FAM186A: variants seen among roughly 807,000 people sequenced by gnomAD.
FAM186A encodes protein FAM186A.
Under a neutral mutation model 216.8 loss-of-function variants are expected in FAM186A, and 163 were observed. The observed-to-expected ratio is 0.75, with a 90% confidence interval of 0.66 to 0.86. The LOEUF is 0.86. FAM186A is among the 40% of genes least tolerant of loss of function. The probability of loss-of-function intolerance (pLI) is 0.00; values close to 1 mark genes in which losing one functional copy is unlikely to be tolerated. For synonymous variants in FAM186A, 805 were observed against 1,025.3 expected, an observed-to-expected ratio of 0.79 and a Z score of 4.10; for missense variants, 2,184 against 2,746.2, an observed-to-expected ratio of 0.80 and a Z score of 4.58.
intron 1 of FAM186A, among the ~76,000 whole-genome samples, chr12:50,376,494 A>G (rs1943199533): frequency 6.6e-6 from 1 of 152,060 alleles, no homozygotes; most frequent in African/African-American, 2.4e-5. Context: ...AGTATAGGCC[A>G]CTCAAAGTGG....
Position 50,351,423 on chromosome 12 carries a change from T to A in FAM186A, c.5409A>T (p.Val1803=), listed in dbSNP as rs1391816266. 1.0e-5 allele frequency: 15 copies of A among 1,466,922 alleles called. No homozygotes were observed. In the East Asian group the frequency reaches 3.0e-4, roughly 29 times the overall value. The allele number at this position is 1,466,922 out of a possible 1,614,324, so 90.9% of individuals were successfully genotyped here. A position where few individuals can be genotyped will look rare whatever the true frequency, so the allele number is the denominator to read the frequency against. The change falls in exon 4 of 8, where the codon GTA becomes GTT. Residue 1803 remains valine (V), a synonymous_variant. Coordinates refer to ENST00000327337, the MANE Select transcript of FAM186A (RefSeq NM_001145475.3). ...GCGCAGAAGTGGATTGACCTCCGTATACCAGGGTCTGTCCAGAGGAACGAA... is the reference window on the plus strand; with the variant it reads ...GCGCAGAAGTGGATTGACCTCCGTAAACCAGGGTCTGTCCAGAGGAACGAA... ...QTLRSSGQTL[V]YGGQSTSAQF...
Position 50,355,424 on chromosome 12 carries a change from C to T in FAM186A, c.1408G>A (p.Glu470Lys), listed in dbSNP as rs1942963735. Residue 470 changes from glutamate to lysine, a missense_variant, in exon 4 of 8, where the codon GAG (glutamate) becomes AAG (lysine). By Grantham distance (56) the Glu-to-Lys change is moderately conservative. Around this residue, in one of 7 missense-constraint regions of FAM186A, gnomAD observed 1,132 missense variants for 1,263.4 expected, o/e 0.90. Coordinates refer to ENST00000327337, the MANE Select transcript of FAM186A (RefSeq NM_001145475.3). Reference protein sequence around the residue: ...RSHKKATYVYETSGPNLSDNK... With the variant: ...RSHKKATYVYKTSGPNLSDNK... ...TCACTCAGATTTGGTCCAGAGGTCT[C>T]ATATACATATGTGGCTTTTTTGTGG... 6.4e-7 allele frequency: 1 copy of T among 1,551,370 alleles called. No homozygotes were observed. The highest frequency in any genetic ancestry group is 2.4e-5 in the East Asian group (1 of 40,912).
chr12:50,363,578 A>G (rs1943057935), intron 1 of FAM186A, among the ~76,000 whole-genome samples: 1 of 152,160 alleles, frequency 6.6e-6, no homozygotes, highest in Admixed American at 6.6e-5. Context: ...TATAATGGAA[A>G]GAGCATTGGG....
At chr12:50,382,981 C>T (rs1943266963) in intron 1 of FAM186A, among the ~76,000 whole-genome samples, 1 of 151,504 alleles carries the variant, frequency 6.6e-6, no homozygotes, top group Admixed American at 6.6e-5. Flanking sequence ...GCCTATAATC[C>T]CAGAACTCTG....
intron 1 of FAM186A, chr12:50,365,845 A>G: frequency 1.3e-6 from 1 of 762,310 alleles, no homozygotes; most frequent in East Asian, 2.4e-5. Context: ...CATAAAGGTC[A>G]GCAAATTGGC....
At chr12:50,331,317 G>A (rs188651395) in intron 6 of FAM186A, among the ~76,000 whole-genome samples, 84 of 152,196 alleles carry the variant, frequency 5.5e-4, no homozygotes, top group South Asian at 2.1e-4. Context: ...TCGGCTCACC[G>A]CAACCTCTGC....
Position 50,373,043 on chromosome 12 carries a change from G to GA in FAM186A, c.193-9680dup, listed in dbSNP as rs1261913364. On this transcript the variant is annotated intron_variant, in intron 1 of 7. Transcript: ENST00000327337. ...AGAAAGAAAGAAAGAAAGAAAGAAA[G>GA]AAAGAAAGAAAGAAAGAAAGAAAGA... Among the ~76,000 whole-genome samples the GA allele has an allele frequency of 2.7e-5, 4 of 148,500 alleles. No homozygotes were observed. The East Asian group carries it at 8.0e-4, about 30-fold the overall frequency.
At chr12:50,327,791 C>T (rs758697062) in intron 7 of FAM186A, among the ~76,000 whole-genome samples, 5 of 152,140 alleles carry the variant, frequency 3.3e-5, no homozygotes, top group Admixed American at 6.6e-5. Flanking sequence ...GCAATCTACC[C>T]GCCTTGGCCT....
chr12:50,371,835 G>A (rs899941839), intron 1 of FAM186A, among the ~76,000 whole-genome samples: 7 of 151,316 alleles, frequency 4.6e-5, no homozygotes, highest in African/African-American at 1.7e-4. Context: ...TTTTTTAGAC[G>A]GAGTTTCGCT....
rs894960507 is a variant in FAM186A, at chr12:50,355,532, T to C, written c.1300A>G (p.Ser434Gly). The part of the protein sequence containing the change: ...PVASEDISED[S>G]TKDNVSLKKG... Reference sequence around the variant, plus strand: ...TTCAATGATACGTTATCTTTAGTGCTGTCTTCGGAAATATCTTCAGAAGCA... The same window carrying C: ...TTCAATGATACGTTATCTTTAGTGCCGTCTTCGGAAATATCTTCAGAAGCA... Residue 434 changes from serine to glycine, a missense_variant, in exon 4 of 8, where the codon AGC becomes GGC. Physicochemically the swap from Ser to Gly is moderately conservative, Grantham distance 56. This residue lies in a region of FAM186A where 1,132 missense variants were observed against 1,263.4 expected (regional missense o/e 0.90). Transcript: ENST00000327337. 1.3e-6 allele frequency: 2 copies of C among 1,551,486 alleles called. No homozygotes were observed. The highest frequency in any genetic ancestry group is 2.7e-5 in the African/African-American group (2 of 73,048).
chr12:50,394,810 T>C (rs1024141678), intron 1 of FAM186A, among the ~76,000 whole-genome samples: 1 of 140,318 alleles, frequency 7.1e-6, no homozygotes, highest in Admixed American at 7.8e-5. Flanking sequence ...GCACAATCTA[T>C]AGCTCACTGT....
Position 50,328,772 on chromosome 12 carries a change from G to A in FAM186A, c.7035-1368C>T, listed in dbSNP as rs753300116. On this transcript the variant is annotated intron_variant, in intron 7 of 7. Transcript: ENST00000327337. ...AATCCACCTGCCTCAGCCTCTCAAA[G>A]TGCTGGATTACAGGCATGAGCCACC... is the stretch of plus-strand genomic sequence containing the variant. Among the ~76,000 whole-genome samples, 9 of 151,630 alleles carry A rather than the reference G, an allele frequency of 5.9e-5. 1 individual carries two copies. Among genetic ancestry groups the A allele is most frequent in the Admixed American group, 3.3e-4 (5 of 15,182 alleles).
intron 4 of FAM186A, among the ~76,000 whole-genome samples, chr12:50,349,676 G>C (rs1484214870): frequency 2.0e-5 from 3 of 151,974 alleles, no homozygotes; most frequent in African/African-American, 7.3e-5. Flanking sequence ...TTTTGAGACA[G>C]AGGCTGACTC....
chr12:50,353,175 G>T lies in FAM186A; in HGVS notation c.3657C>A (p.Leu1219=), dbSNP rs1469830975. 6.8e-7 allele frequency: 1 copy of T among 1,479,084 alleles called. No homozygotes were observed. The allele number at this position is 1,479,084 out of a possible 1,614,324, so 91.6% of individuals were successfully genotyped here. A position where few individuals can be genotyped will look rare whatever the true frequency, so the allele number is the denominator to read the frequency against. The change falls in exon 4 of 8, where the codon CTC becomes CTA. Residue 1219 remains leucine, a synonymous_variant. Coordinates refer to ENST00000327337, the MANE Select transcript of FAM186A (RefSeq NM_001145475.3). ...CCAGGGCCTGGGCCTGCTGAGGGGT[G>T]AGAGGGATCCCCAATTCCTGAGCCT... The part of the protein sequence containing the change: ...PQQAQELGIP[L]TPQQAQALGI...
Position 50,355,127 on chromosome 12 carries a change from G to A in FAM186A, c.1705C>T (p.Pro569Ser), listed in dbSNP as rs1382740127. Residue 569 changes from proline (P) to serine (S), a missense_variant, in exon 4 of 8, where the codon CCC (proline) becomes TCC (serine). Transcript: ENST00000327337. The stretch of plus-strand genomic sequence containing the variant: ...TCTTTGTCCAATGACTCAGTGGTGG[G>A]TTCCACTTTAATCTCTGCTGCAGTT... ...RPTAAEIKVE[P>S]TTESLDKEGK... The A allele has an allele frequency of 1.3e-6, 2 of 1,551,592 alleles. No homozygotes were observed. Among genetic ancestry groups the A allele is most frequent in the South Asian group, 2.4e-5 (2 of 84,028 alleles).
chr12:50,329,278 T>C (rs796986232), intron 7 of FAM186A, among the ~76,000 whole-genome samples: 34 of 152,248 alleles, frequency 2.2e-4, no homozygotes, highest in African/African-American at 7.9e-4. Flanking sequence ...ACATATTTTG[T>C]CCCAAAGCCC....
chr12:50,369,294 C>A (rs1943119100), intron 1 of FAM186A, among the ~76,000 whole-genome samples: 1 of 151,544 alleles, frequency 6.6e-6, no homozygotes. Context: ...ATCGGACCAT[C>A]CTGGCTAACA....
intron 1 of FAM186A, among the ~76,000 whole-genome samples, chr12:50,375,547 CT>C (rs1943189109): frequency 7.0e-6 from 1 of 141,912 alleles, no homozygotes; most frequent in African/African-American, 2.6e-5. Context: ...GAAGCTCTGT[CT>C]CAAAAAAAAA....
intron 1 of FAM186A, among the ~76,000 whole-genome samples, chr12:50,364,507 G>A (rs1434114869): frequency 3.3e-5 from 5 of 151,730 alleles, no homozygotes; most frequent in African/African-American, 9.7e-5. Context: ...ACAGTGAGCC[G>A]AGATCACGCC....
Sources: gnomAD v4.1 joint callset for allele counts (sites outside exome capture counted in the v4.1 genomes callset) on GRCh38, gnomAD v4.1.1 for gene constraint, gnomAD v4.1.1 regional missense constraint, MANE v1.5 for transcripts, NCBI Gene and HGNC (gene_info 2026-07-23, HGNC 2026-07-21) for gene names.